The following GABRG1 variants were observed in gnomAD, a reference collection of about 807,000 sequenced individuals.
GABRG1 encodes gamma-aminobutyric acid type A receptor subunit gamma1.
A neutral mutation model predicts 49.8 loss-of-function variants in GABRG1; 49 were observed. The ratio of observed to expected loss-of-function variants is 0.98; its 90% CI spans 0.78 to 1.25. The LOEUF (loss-of-function observed/expected upper bound fraction) is 1.25, where lower values mean the gene tolerates loss of function less well. GABRG1 is among the 50% of genes most tolerant of loss of function. GABRG1 has a pLI of 0.00. For synonymous variants in GABRG1, 232 were observed against 185.1 expected, an observed-to-expected ratio of 1.25 and a Z score of -2.06; for missense variants, 552 against 552.3, an observed-to-expected ratio of 1.00 and a Z score of 0.01.
intron 5 of GABRG1, among the ~76,000 whole-genome samples, chr4:46,062,429 T>A (rs1718732494): frequency 6.6e-6 from 1 of 152,172 alleles, no homozygotes; most frequent in African/African-American, 2.4e-5. Flanking sequence ...TTTCTAGTTC[T>A]AGATCCCTGA....
Position 46,038,814 on chromosome 4 carries a change from G to A in GABRG1, c.*2174C>T, listed in dbSNP as rs1717635139. 1 of 151,648 alleles carries A rather than the reference G, an allele frequency of 6.6e-6. No individual in the cohort carries two copies. The highest frequency in any genetic ancestry group is 1.5e-5 in the Non-Finnish European group (1 of 67,722). 9.4% of individuals were successfully genotyped at this position (151,648 alleles called of 1,614,324 possible). Reference sequence around the variant, plus strand: ...TTGCTTGATGGTATATACAAGGAAAGGCATCTTTCATATATTTACAAATTT... The same window carrying A: ...TTGCTTGATGGTATATACAAGGAAAAGCATCTTTCATATATTTACAAATTT... On this transcript the variant is annotated 3_prime_UTR_variant, in exon 9 of 9. Transcript: ENST00000295452.
intron 2 of GABRG1, among the ~76,000 whole-genome samples, chr4:46,095,731 A>T (rs1025692976): frequency 6.6e-6 from 1 of 152,010 alleles, no homozygotes; most frequent in African/African-American, 2.4e-5. Flanking sequence ...ATAATTTTAC[A>T]TGCAACAACT....
At chr4:46,088,262 A>G (rs1216629420) in intron 2 of GABRG1, among the ~76,000 whole-genome samples, 1 of 152,064 alleles carries the variant, frequency 6.6e-6, no homozygotes, top group Non-Finnish European at 1.5e-5. Context: ...AAACAGTCAT[A>G]TGTAATGAAA....
intron 1 of GABRG1, among the ~76,000 whole-genome samples, chr4:46,108,642 G>A (rs1720632476): frequency 6.6e-6 from 1 of 150,482 alleles, no homozygotes; most frequent in African/African-American, 2.4e-5. Flanking sequence ...TTTTGTTTAT[G>A]GATGCATCTC....
intron 3 of GABRG1, among the ~76,000 whole-genome samples, chr4:46,077,152 G>T (rs1719380051): frequency 1.3e-5 from 2 of 148,898 alleles, no homozygotes; most frequent in African/African-American, 5.0e-5. Flanking sequence ...GACTGTTGTG[G>T]GGTAGGGGGA....
At chr4:46,093,937 A>C (rs1002734197) in intron 2 of GABRG1, among the ~76,000 whole-genome samples, 1 of 152,004 alleles carries the variant, frequency 6.6e-6, no homozygotes, top group Non-Finnish European at 1.5e-5. Flanking sequence ...ACATTTGAGC[A>C]ACAAGAATTA....
chr4:46,036,731 G>A lies in GABRG1; in HGVS notation c.*4257C>T, dbSNP rs1243632070. 2 of 151,894 alleles carry A rather than the reference G, an allele frequency of 1.3e-5. No individual in the cohort carries two copies. Among genetic ancestry groups the A allele is most frequent in the African/African-American group, 2.4e-5 (1 of 41,426 alleles). 9.4% of individuals were successfully genotyped at this position (151,894 alleles called of 1,614,324 possible). A position where few individuals can be genotyped will look rare whatever the true frequency, so the allele number is the denominator to read the frequency against. On this transcript the variant is annotated 3_prime_UTR_variant, in exon 9 of 9. Coordinates refer to ENST00000295452, the MANE Select transcript of GABRG1 (RefSeq NM_173536.4). Reference sequence around the variant, plus strand: ...CATATTAGCCACTATAAGCTTATACGCCTAACTGGCTTGTTATATTCCAAA... The same window carrying A: ...CATATTAGCCACTATAAGCTTATACACCTAACTGGCTTGTTATATTCCAAA...
At chr4:46,075,118 C>A (rs1424977309) in intron 3 of GABRG1, among the ~76,000 whole-genome samples, 1 of 151,616 alleles carries the variant, frequency 6.6e-6, no homozygotes, top group East Asian at 1.9e-4. Context: ...AGGGATAAAG[C>A]CTAAGATGAA....
intron 1 of GABRG1, among the ~76,000 whole-genome samples, chr4:46,116,637 G>T (rs1041102920): frequency 5.3e-5 from 8 of 150,676 alleles, no homozygotes; most frequent in Non-Finnish European, 7.5e-5. Context: ...TATTTTAATT[G>T]ACAAAAGATT....
chr4:46,083,976 T>A lies in GABRG1; in HGVS notation c.321+10A>T. 6.9e-7 allele frequency: 1 copy of A among 1,444,962 alleles called. No individual in the cohort carries two copies. Among genetic ancestry groups the A allele is most frequent in the Non-Finnish European group, 9.6e-7 (1 of 1,038,948 alleles). 89.5% of individuals were successfully genotyped at this position (1,444,962 alleles called of 1,614,324 possible). A position where few individuals can be genotyped will look rare whatever the true frequency, so the allele number is the denominator to read the frequency against. On this transcript the variant is annotated intron_variant, in intron 3 of 8. Transcript: ENST00000295452. ...TGTGGCAGTTATTATTTTTAATATT[T>A]CTTACTTACCATATTAATTGGATCA...
chr4:46,108,160 CAT>C (rs1343375253), intron 1 of GABRG1, among the ~76,000 whole-genome samples: 1 of 150,962 alleles, frequency 6.6e-6, no homozygotes, highest in Non-Finnish European at 1.5e-5. Flanking sequence ...TTCTAAGAAA[CAT>C]ATAGTATTGG....
intron 1 of GABRG1, 26 bp from the exon 2 acceptor site, chr4:46,097,375 A>G: frequency 6.3e-7 from 1 of 1,590,432 alleles, no homozygotes; most frequent in South Asian, 1.1e-5. Flanking sequence ...AAAAAAATGG[A>G]TGGTAGAAGG....
intron 1 of GABRG1, among the ~76,000 whole-genome samples, chr4:46,120,223 G>A (rs1235997156): frequency 1.3e-5 from 2 of 151,588 alleles, no homozygotes; most frequent in Admixed American, 1.3e-4. Context: ...TTTCTTTCAT[G>A]GAAGTCATTT....
At chr4:46,088,815 TTGTGTG>T (rs3069486) in intron 2 of GABRG1, among the ~76,000 whole-genome samples, 5 of 131,618 alleles carry the variant, frequency 3.8e-5, no homozygotes, top group South Asian at 2.5e-4. Context: ...TTGTGTGTGT[TTGTGTG>T]TGTGTGTGTG....
chr4:46,092,156 G>T (rs1163990779), intron 2 of GABRG1, among the ~76,000 whole-genome samples: 1 of 151,900 alleles, frequency 6.6e-6, no homozygotes, highest in East Asian at 1.9e-4. Context: ...AAGAAATACT[G>T]CAGAGAATAT....
At chr4:46,043,488 A>G (rs1383233076) in intron 8 of GABRG1, among the ~76,000 whole-genome samples, 1 of 152,060 alleles carries the variant, frequency 6.6e-6, no homozygotes, top group East Asian at 1.9e-4. Context: ...ATCTAACACA[A>G]TGTCAATAAA....
chr4:46,078,235 T>C (rs1719432608), intron 3 of GABRG1, among the ~76,000 whole-genome samples: 2 of 152,038 alleles, frequency 1.3e-5, no homozygotes, highest in South Asian at 4.1e-4. Context: ...AGAAGACTAA[T>C]ACCTTTTTCT....
intron 2 of GABRG1, among the ~76,000 whole-genome samples, 187 bp from the exon 3 acceptor site, chr4:46,084,240 C>G (rs1719672610): frequency 6.6e-6 from 1 of 151,500 alleles, no homozygotes; most frequent in Admixed American, 6.6e-5. Flanking sequence ...AAATCAGTCA[C>G]AGATAATTAT....
At chr4:46,103,375 TAATA>T (rs1720444439) in intron 1 of GABRG1, among the ~76,000 whole-genome samples, 1 of 151,584 alleles carries the variant, frequency 6.6e-6, no homozygotes, top group Non-Finnish European at 1.5e-5. Flanking sequence ...ATAGTAAATA[TAATA>T]AATATTTGTC....
Sources: gnomAD v4.1 joint callset for allele counts (sites outside exome capture counted in the v4.1 genomes callset) on GRCh38, gnomAD v4.1.1 for gene constraint, MANE v1.5 for transcripts, NCBI Gene and HGNC (gene_info 2026-07-23, HGNC 2026-07-21) for gene names.